ZMAT3: variants seen among roughly 807,000 people sequenced by gnomAD.
ZMAT3 encodes the protein zinc finger matrin-type 3.
Under a neutral mutation model 32.3 loss-of-function variants are expected in ZMAT3, and 17 were observed. That is an observed-to-expected ratio of 0.53 (90% CI 0.36 to 0.79). The LOEUF is 0.79. Among genes scored for constraint, ZMAT3 ranks in the 30% least tolerant of loss-of-function variants. ZMAT3 has a pLI of 0.00. For synonymous variants in ZMAT3, 120 were observed against 133.1 expected, an observed-to-expected ratio of 0.90 and a Z score of 0.68; for missense variants, 329 against 359.7, an observed-to-expected ratio of 0.91 and a Z score of 0.69.
At chr3:179,050,939 C>T (rs367639331) in intron 2 of ZMAT3, among the ~76,000 whole-genome samples, 1 of 152,186 alleles carries the variant, frequency 6.6e-6, no homozygotes, top group African/African-American at 2.4e-5. Flanking sequence ...TCTAGCATCC[C>T]TTTATGGTTA....
chr3:179,023,576 T>C lies in ZMAT3; in HGVS notation c.*1441A>G, dbSNP rs1182817122. Reference sequence around the variant, plus strand: ...CAAAAAAGTCTGGCAAAACAAAATATCAAGCAATCTGAACTTATGGTTTAG... The same window carrying C: ...CAAAAAAGTCTGGCAAAACAAAATACCAAGCAATCTGAACTTATGGTTTAG... On this transcript the variant is annotated 3_prime_UTR_variant, in exon 6 of 6. Transcript: ENST00000311417. 2 of 148,716 alleles carry C rather than the reference T, an allele frequency of 1.3e-5. No individual in the cohort carries two copies. The allele number at this position is 148,716 out of a possible 1,614,324, so 9.2% of individuals were successfully genotyped here. A position where few individuals can be genotyped will look rare whatever the true frequency, so the allele number is the denominator to read the frequency against.
intron 2 of ZMAT3, among the ~76,000 whole-genome samples, chr3:179,063,039 G>T (rs754280426): frequency 6.6e-6 from 1 of 152,174 alleles, no homozygotes; most frequent in Non-Finnish European, 1.5e-5. Context: ...CTACTTTACA[G>T]ATATTGAATA....
At chr3:179,069,881 G>A (rs1241806967) in intron 1 of ZMAT3, among the ~76,000 whole-genome samples, 1 of 152,050 alleles carries the variant, frequency 6.6e-6, no homozygotes, top group Non-Finnish European at 1.5e-5. Context: ...GCAATATAGA[G>A]TTTTAACATT....
rs1163106106 is a variant in ZMAT3 at position 179,019,480 on chromosome 3, T to C, written c.*5537A>G. On this transcript the variant is annotated 3_prime_UTR_variant, in exon 6 of 6. Transcript: ENST00000311417. ...TGGATGAAAAGAGGGATAGAGAATA[T>C]GAACAGATACATGGCAATACAAGTA... 6.6e-6 allele frequency: 1 copy of C among 152,192 alleles called. No individual in the cohort carries two copies. The highest frequency in any genetic ancestry group is 1.9e-4 in the East Asian group (1 of 5,174). The allele number at this position is 152,192 out of a possible 1,614,324, so 9.4% of individuals were successfully genotyped here. A position where few individuals can be genotyped will look rare whatever the true frequency, so the allele number is the denominator to read the frequency against.
chr3:179,070,122 G>A (rs537592544), intron 1 of ZMAT3, among the ~76,000 whole-genome samples: 1 of 152,124 alleles, frequency 6.6e-6, no homozygotes, highest in African/African-American at 2.4e-5. Flanking sequence ...GTGGGGGGGG[G>A]TGTCAAAACC....
chr3:179,031,260 T>C (rs1239586149), intron 2 of ZMAT3, among the ~76,000 whole-genome samples: 3 of 151,128 alleles, frequency 2.0e-5, no homozygotes, highest in Non-Finnish European at 4.4e-5. Context: ...AAAACGCATA[T>C]AGAAGAGTTC....
chr3:179,027,835 A>G lies in ZMAT3; in HGVS notation c.391-23T>C, dbSNP rs1287022139. 6 of 1,577,536 alleles carry G rather than the reference A, an allele frequency of 3.8e-6. No individual in the cohort carries two copies. The East Asian group carries it at 1.1e-4, about 29-fold the overall frequency. On this transcript the variant is annotated intron_variant, in intron 3 of 5. Coordinates refer to ENST00000311417, the MANE Select transcript of ZMAT3 (RefSeq NM_022470.4). ...CATCTGACATCAAAGACACAAGAAG[A>G]AACAAAGTTAAAAAAAATACAGAGT...
chr3:179,026,247 C>T (rs548150945), intron 5 of ZMAT3, among the ~76,000 whole-genome samples: 17 of 152,174 alleles, frequency 1.1e-4, no homozygotes, highest in African/African-American at 4.1e-4. Flanking sequence ...GATATTAATA[C>T]AGCTATCCCA....
At chr3:179,061,810 C>T (rs1299858172) in intron 2 of ZMAT3, among the ~76,000 whole-genome samples, 1 of 152,088 alleles carries the variant, frequency 6.6e-6, no homozygotes, top group African/African-American at 2.4e-5. Context: ...CATAATAGTG[C>T]AAAATTCCCT....
chr3:179,043,653 A>G (rs1720074552), intron 2 of ZMAT3, among the ~76,000 whole-genome samples: 1 of 152,234 alleles, frequency 6.6e-6, no homozygotes, highest in Non-Finnish European at 1.5e-5. Context: ...CATTCAGCAC[A>G]TAGGCATGGG....
At chr3:179,043,235 T>C (rs2108559468) in intron 2 of ZMAT3, among the ~76,000 whole-genome samples, 1 of 152,308 alleles carries the variant, frequency 6.6e-6, no homozygotes, top group East Asian at 1.9e-4. Context: ...TTAAAGTTCA[T>C]ATGGAACCAA....
At chr3:179,048,428 T>C (rs993137578) in intron 2 of ZMAT3, among the ~76,000 whole-genome samples, 2 of 152,216 alleles carry the variant, frequency 1.3e-5, no homozygotes, top group African/African-American at 2.4e-5. Flanking sequence ...TCAGGTAACC[T>C]ATAAAGGAAA....
chr3:179,066,102 C>T (rs914981149), intron 2 of ZMAT3, among the ~76,000 whole-genome samples: 6 of 152,058 alleles, frequency 3.9e-5, no homozygotes, highest in African/African-American at 1.4e-4. Context: ...CTAATACAGT[C>T]TTGGAGTTGA....
rs200618497 is a variant in ZMAT3 at position 179,030,844 on chromosome 3, C to T, written c.390+36G>A. 2.6e-4 allele frequency: 410 copies of T among 1,598,230 alleles called. 2 individuals are homozygous for T. The highest frequency in any genetic ancestry group is 3.4e-4 in the Non-Finnish European group (394 of 1,171,878). ...CCATTTGTGCATATTACAGCTTCCA[C>T]CCTAATGCTGCTTCACCCTGACACA... On this transcript the variant is annotated intron_variant, in intron 3 of 5. Transcript: ENST00000311417.
At chr3:179,063,154 C>A (rs897298530) in intron 2 of ZMAT3, among the ~76,000 whole-genome samples, 10 of 152,178 alleles carry the variant, frequency 6.6e-5, no homozygotes, top group African/African-American at 2.4e-4. Flanking sequence ...TGCATTAAAA[C>A]CAAATCTGAA....
At chr3:179,031,156 T>C (rs1719162973) in intron 2 of ZMAT3, among the ~76,000 whole-genome samples, 157 bp from the exon 3 acceptor site, 1 of 152,180 alleles carries the variant, frequency 6.6e-6, no homozygotes, top group South Asian at 2.1e-4. Flanking sequence ...TTTATAATTG[T>C]TCTTTTTTCT....
rs1718470344 is a variant in ZMAT3 at position 179,020,112 on chromosome 3, T to A, written c.*4905A>T. ...ACGTAGAACAGAATTCACACAGACCTTTGTTATTCCAAGCTCCTATTTATG... is the reference window on the plus strand; with the variant it reads ...ACGTAGAACAGAATTCACACAGACCATTGTTATTCCAAGCTCCTATTTATG... On this transcript the variant is annotated 3_prime_UTR_variant, in exon 6 of 6. Coordinates refer to ENST00000311417, the MANE Select transcript of ZMAT3 (RefSeq NM_022470.4). 1 of 152,200 alleles carries A rather than the reference T, an allele frequency of 6.6e-6. No homozygotes were observed. The highest frequency in any genetic ancestry group is 1.5e-5 in the Non-Finnish European group (1 of 68,024). The allele number at this position is 152,200 out of a possible 1,614,324, so 9.4% of individuals were successfully genotyped here.
At chr3:179,054,153 A>G (rs1201632025) in intron 2 of ZMAT3, among the ~76,000 whole-genome samples, 1 of 152,240 alleles carries the variant, frequency 6.6e-6, no homozygotes, top group Non-Finnish European at 1.5e-5. Context: ...CAATGCCACA[A>G]TTGTCCAATG....
chr3:179,037,138 T>C (rs897238100), intron 2 of ZMAT3, among the ~76,000 whole-genome samples: 2 of 152,138 alleles, frequency 1.3e-5, no homozygotes, highest in African/African-American at 2.4e-5. Flanking sequence ...CTTATTCCTC[T>C]TATTCCTCTT....
Sources: allele counts gnomAD v4.1 joint callset (sites outside exome capture counted in the v4.1 genomes callset), GRCh38; gene constraint gnomAD v4.1.1; transcripts MANE v1.5; gene names NCBI Gene and HGNC (gene_info 2026-07-23, HGNC 2026-07-21).